The following SOX30 variants were observed in gnomAD, a reference collection of about 807,000 sequenced individuals.
SOX30 encodes SRY-box transcription factor 30, also known as transcription factor SOX-30.
In SOX30, 17 loss-of-function variants were observed where a neutral mutation model predicts 58.6. The ratio of observed to expected loss-of-function variants is 0.29; its 90% CI spans 0.20 to 0.44. SOX30 has a LOEUF of 0.44. SOX30 is among the 20% of genes least tolerant of loss of function. The pLI is 1.00. For missense variants in SOX30, 951 were observed against 965.8 expected, an observed-to-expected ratio of 0.98 and a Z score of 0.20; for synonymous variants, 421 against 400.2, an observed-to-expected ratio of 1.05 and a Z score of -0.62.
At chr5:157,651,075 G>T in intron 1 of SOX30, 37 bp downstream of exon 1, 1 of 1,433,362 alleles carries the variant, frequency 7.0e-7, no homozygotes. Flanking sequence ...CAACACAGAC[G>T]CAGTTTTGAA....
chr5:157,627,995 A>G (rs890687988), intron 4 of SOX30, among the ~76,000 whole-genome samples: 6 of 146,882 alleles, frequency 4.1e-5, no homozygotes, highest in Non-Finnish European at 7.6e-5. Context: ...CTCCATCTCA[A>G]AAAAAAAAAA....
intron 1 of SOX30, among the ~76,000 whole-genome samples, chr5:157,668,795 T>C (rs1759716069): frequency 6.6e-6 from 1 of 152,078 alleles, no homozygotes. Flanking sequence ...GAAGAAACCA[T>C]ATAGCTGTCT....
At chr5:157,669,038 G>C (rs1429303776) in intron 1 of SOX30, among the ~76,000 whole-genome samples, 1 of 152,138 alleles carries the variant, frequency 6.6e-6, no homozygotes, top group Admixed American at 6.5e-5. Context: ...AGGTCACAAG[G>C]CCAAAAGGTG....
At chr5:157,645,309 C>T (rs895546907) in intron 3 of SOX30, among the ~76,000 whole-genome samples, 3 of 151,874 alleles carry the variant, frequency 2.0e-5, no homozygotes, top group African/African-American at 7.3e-5. Flanking sequence ...GCTTTATTAC[C>T]AGAAGGATTT....
At chr5:157,645,109 AG>A (rs547538262) in intron 3 of SOX30, among the ~76,000 whole-genome samples, 256 of 152,320 alleles carry the variant, frequency 1.7e-3, no homozygotes, top group Middle Eastern at 6.8e-3. Context: ...TGCCTGTGCT[AG>A]GACAGAACAG....
intron 2 of SOX30, among the ~76,000 whole-genome samples, chr5:157,661,010 C>G (rs567209320): frequency 5.5e-4 from 83 of 152,240 alleles, no homozygotes; most frequent in African/African-American, 1.8e-3. Flanking sequence ...GTGTACTGTC[C>G]TGTACTTCTT....
At chr5:157,666,462 ATTCT>A (rs1759672764) in intron 2 of SOX30, among the ~76,000 whole-genome samples, 1 of 147,106 alleles carries the variant, frequency 6.8e-6, no homozygotes, top group South Asian at 2.2e-4. Context: ...CAGATGAAAG[ATTCT>A]TTAGTCCAGT....
rs1054625257 is a variant in SOX30 at position 157,651,796 on chromosome 5, A to G, written c.283T>C (p.Ser95Pro). The change falls in exon 1 of 5, where the codon TCC becomes CCC. Residue 95 changes from serine to proline, a missense_variant. Ser to Pro is a moderately conservative substitution (Grantham distance 74). This residue lies in a region of SOX30 where 363 missense variants were observed against 294.5 expected (regional missense o/e 1.23). Transcript: ENST00000265007. The part of the protein sequence containing the change: ...QAQNEEAAAS[S>P]AQARLLQFRP... ...AACTGCAACAGCCGCGCCTGCGCGG[A>G]CGAGGCAGCGGCTTCCTCGTTCTGG... 1 of 1,577,696 alleles carries G rather than the reference A, an allele frequency of 6.3e-7. No homozygotes were observed. Among genetic ancestry groups the G allele is most frequent in the African/African-American group, 1.3e-5 (1 of 74,432 alleles).
chr5:157,663,175 C>G (rs1399940010), intron 2 of SOX30, among the ~76,000 whole-genome samples: 1 of 152,172 alleles, frequency 6.6e-6, no homozygotes, highest in Non-Finnish European at 1.5e-5. Context: ...ACCAATATCC[C>G]TGATGAACAT....
At chr5:157,653,793 A>T (rs1435889954), upstream of SOX30, among the ~76,000 whole-genome samples, 3 of 152,192 alleles carry the variant, frequency 2.0e-5, no homozygotes, top group Non-Finnish European at 2.9e-5. Context: ...GGTCAGTAGG[A>T]GTTCTTATAC....
intron 4 of SOX30, 149 bp downstream of exon 4, chr5:157,638,081 C>T (rs1160035708): frequency 5.4e-6 from 4 of 743,612 alleles, no homozygotes; most frequent in Non-Finnish European, 8.4e-6. Flanking sequence ...CCCTCTCCAT[C>T]TATTTATGTT....
intron 4 of SOX30, among the ~76,000 whole-genome samples, chr5:157,635,773 A>G (rs886949424): frequency 1.3e-5 from 2 of 152,236 alleles, no homozygotes; most frequent in Non-Finnish European, 2.9e-5. Context: ...GATTTAATCT[A>G]TGTAATATGT....
chr5:157,654,258 A>G (rs1759426621), upstream of SOX30, among the ~76,000 whole-genome samples: 1 of 152,218 alleles, frequency 6.6e-6, no homozygotes, highest in Admixed American at 6.5e-5. Flanking sequence ...AATAAAAACA[A>G]ATTTTAAAGA....
In SOX30 at chr5:157,638,297, C is replaced by G. The variant is rs746507800; in HGVS notation, c.1813G>C (p.Gly605Arg). 1.9e-6 allele frequency: 3 copies of G among 1,601,354 alleles called. No homozygotes were observed. The highest frequency in any genetic ancestry group is 2.2e-5 in the East Asian group (1 of 44,806). ...PPLGHPATLFGTPPRFSFHHP... is the reference protein window; with the variant it reads ...PPLGHPATLFRTPPRFSFHHP... ...TGAAAAGAGAATCTTGGTGGTGTCC[C>G]GAACAGTGTGGCTGGATGGCCAAGG... Residue 605 changes from glycine to arginine, a missense_variant, in exon 4 of 5, where the codon GGG becomes CGG. Gly to Arg is a moderately radical substitution (Grantham distance 125). This residue lies in a region of SOX30 where 381 missense variants were observed against 390.0 expected (regional missense o/e 0.98). Coordinates refer to ENST00000265007, the MANE Select transcript of SOX30 (RefSeq NM_178424.2).
Position 157,652,218 on chromosome 5 carries a change from G to T in SOX30, c.-140C>A. 1 of 1,293,342 alleles carries T rather than the reference G, an allele frequency of 7.7e-7. No individual in the cohort carries two copies. The highest frequency in any genetic ancestry group is 2.8e-5 in the South Asian group (1 of 35,832). The allele number at this position is 1,293,342 out of a possible 1,614,324, so 80.1% of individuals were successfully genotyped here. A position where few individuals can be genotyped will look rare whatever the true frequency, so the allele number is the denominator to read the frequency against. On this transcript the variant is annotated 5_prime_UTR_variant, in exon 1 of 5. Coordinates refer to ENST00000265007, the MANE Select transcript of SOX30 (RefSeq NM_178424.2). Reference sequence around the variant, plus strand: ...GGTTCAAAACGCAGCTGTCTGTCTGGGCCTCACCCAATCACAACGACCGAT... The same window carrying T: ...GGTTCAAAACGCAGCTGTCTGTCTGTGCCTCACCCAATCACAACGACCGAT...
intron 4 of SOX30, among the ~76,000 whole-genome samples, chr5:157,628,803 G>A (rs1290393434): frequency 4.0e-5 from 6 of 151,888 alleles, no homozygotes; most frequent in South Asian, 2.1e-4. Flanking sequence ...CACCATGTCC[G>A]GCTAATTTTT....
intron 1 of SOX30, among the ~76,000 whole-genome samples, chr5:157,649,973 T>A (rs1463809361): frequency 6.6e-6 from 1 of 152,138 alleles, no homozygotes; most frequent in Non-Finnish European, 1.5e-5. Context: ...CTCAGTACTT[T>A]GGGAGGCCAA....
At chr5:157,638,086 T>C (rs1758972540) in intron 4 of SOX30, 144 bp downstream of exon 4, 1 of 789,654 alleles carries the variant, frequency 1.3e-6, no homozygotes, top group African/African-American at 1.8e-5. Flanking sequence ...TCCATCTATT[T>C]ATGTTAACTG....
chr5:157,663,953 C>CA (rs1360752999), intron 2 of SOX30, among the ~76,000 whole-genome samples: 3 of 151,234 alleles, frequency 2.0e-5, no homozygotes, highest in East Asian at 1.9e-4. Context: ...TAAAAGAGGA[C>CA]AAAAAAAATG....
Sources: allele counts gnomAD v4.1 joint callset (sites outside exome capture counted in the v4.1 genomes callset), GRCh38; gene constraint gnomAD v4.1.1; regional missense constraint gnomAD v4.1.1; transcripts MANE v1.5; gene names NCBI Gene and HGNC (gene_info 2026-07-23, HGNC 2026-07-21).